The following TNIK variants were observed in gnomAD, a reference collection of about 807,000 sequenced individuals.
TNIK encodes the protein TRAF2 and NCK interacting kinase.
A neutral mutation model predicts 191.3 loss-of-function variants in TNIK; 49 were observed. That is an observed-to-expected ratio of 0.26 (90% CI 0.20 to 0.32). The LOEUF is 0.32. TNIK is among the 10% of genes least tolerant of loss of function. The pLI, the probability that TNIK is intolerant of heterozygous loss-of-function variation, is 1.00. For synonymous variants in TNIK, 594 were observed against 600.9 expected (o/e 0.99, Z 0.17); for missense variants, 1,155 against 1,702.3 (o/e 0.68, Z 5.66).
chr3:171,410,767 A>G (rs963937690), intron 1 of TNIK, among the ~76,000 whole-genome samples: 1 of 121,966 alleles, frequency 8.2e-6, no homozygotes, highest in East Asian at 2.2e-4. Context: ...CGACAGAGCA[A>G]GACTCCATCT....
intron 1 of TNIK, among the ~76,000 whole-genome samples, chr3:171,449,037 A>G (rs974679062): frequency 1.3e-5 from 2 of 152,066 alleles, no homozygotes; most frequent in African/African-American, 4.8e-5. Context: ...TTTGCTGAGA[A>G]TGATGGTTTC....
In TNIK at chr3:171,351,909, T is replaced by A. The variant is rs551384802; in HGVS notation, c.123+17711A>T. Among the ~76,000 whole-genome samples, 89 of 152,342 alleles carry A rather than the reference T, an allele frequency of 5.8e-4. 3 individuals carry two copies. Among genetic ancestry groups the A allele is most frequent in the Admixed American group, 5.7e-3 (87 of 15,294 alleles). ...TGGTGCATTTCAGGCACCCTGCCCA[T>A]CCTGAACCCTGGATTTATGCCAAGG... On this transcript the variant is annotated intron_variant, in intron 2 of 32. Coordinates refer to ENST00000436636, the MANE Select transcript of TNIK (RefSeq NM_015028.4).
At chr3:171,094,700 T>G (rs1328405793) in intron 22 of TNIK, among the ~76,000 whole-genome samples, 1 of 152,190 alleles carries the variant, frequency 6.6e-6, no homozygotes. Flanking sequence ...ACTCTGGCCT[T>G]GGTTGGTTCC....
At chr3:171,207,371 A>AT (rs1428685396) in intron 4 of TNIK, among the ~76,000 whole-genome samples, 1 of 151,176 alleles carries the variant, frequency 6.6e-6, no homozygotes, top group Non-Finnish European at 1.5e-5. Context: ...TTAAATTTTA[A>AT]TTTTTTTGGT....
intron 2 of TNIK, among the ~76,000 whole-genome samples, chr3:171,353,024 T>C (rs1577596776): frequency 6.6e-6 from 1 of 152,188 alleles, no homozygotes; most frequent in Non-Finnish European, 1.5e-5. Flanking sequence ...TTTCAACATA[T>C]TGGCAGAATT....
At chr3:171,193,041 T>C (rs530323234) in intron 5 of TNIK, among the ~76,000 whole-genome samples, 205 of 152,348 alleles carry the variant, frequency 1.3e-3, no homozygotes, top group African/African-American at 4.8e-3. Flanking sequence ...TTTCATGTTT[T>C]CTTATGGATA....
chr3:171,108,197 G>A (rs1485079022), intron 19 of TNIK, 35 bp from the exon 20 acceptor site: 13 of 1,483,862 alleles, frequency 8.8e-6, no homozygotes, highest in Non-Finnish European at 1.1e-5. Flanking sequence ...AGAAAGAGAT[G>A]GCCATCAAAA....
At chr3:171,078,604 T>C (rs1720292382) in intron 28 of TNIK, among the ~76,000 whole-genome samples, 1 of 152,182 alleles carries the variant, frequency 6.6e-6, no homozygotes, top group Admixed American at 6.5e-5. Flanking sequence ...CTCCTTATTA[T>C]CCCTGTTTCT....
chr3:171,086,721 T>A (rs902707409), intron 24 of TNIK, among the ~76,000 whole-genome samples: 3 of 152,236 alleles, frequency 2.0e-5, no homozygotes, highest in Non-Finnish European at 4.4e-5. Flanking sequence ...CTACACACTG[T>A]GAACTCATCC....
In TNIK at chr3:171,325,080, A is replaced by G. The variant is rs1357968226; in HGVS notation, c.123+44540T>C. 2.0e-5 allele frequency among the ~76,000 whole-genome samples: 3 copies of G among 152,074 alleles called. No homozygotes were observed. In the East Asian group the frequency reaches 5.8e-4, roughly 29 times the overall value. On this transcript the variant is annotated intron_variant, in intron 2 of 32. Coordinates refer to ENST00000436636, the MANE Select transcript of TNIK (RefSeq NM_015028.4). ...GGCGCCACTGCACTTCAGCCTGGGC[A>G]ACAGAGCCAGACTGTCTCAAAATAA... is the stretch of plus-strand genomic sequence containing the variant.
chr3:171,316,195 A>G (rs1026187719), intron 2 of TNIK, among the ~76,000 whole-genome samples: 7 of 152,088 alleles, frequency 4.6e-5, no homozygotes, highest in Non-Finnish European at 1.0e-4. Flanking sequence ...TCTGCTTCCC[A>G]TTACATTCCC....
At chr3:171,148,724 T>C (rs1731987094) in intron 12 of TNIK, among the ~76,000 whole-genome samples, 1 of 152,228 alleles carries the variant, frequency 6.6e-6, no homozygotes, top group Non-Finnish European at 1.5e-5. Context: ...GAAAACATTA[T>C]TAATGTCTTC....
At chr3:171,217,883 A>G (rs935054951) in intron 3 of TNIK, among the ~76,000 whole-genome samples, 1 of 152,082 alleles carries the variant, frequency 6.6e-6, no homozygotes, top group African/African-American at 2.4e-5. Flanking sequence ...GGATAGAAAC[A>G]TTTTCCTGGC....
At chr3:171,319,540 T>C (rs1358932293) in intron 2 of TNIK, among the ~76,000 whole-genome samples, 1 of 152,100 alleles carries the variant, frequency 6.6e-6, no homozygotes, top group Non-Finnish European at 1.5e-5. Flanking sequence ...GAGCAACATA[T>C]TCATTGAGGT....
intron 6 of TNIK, among the ~76,000 whole-genome samples, chr3:171,190,216 G>A (rs1353414114): frequency 6.6e-6 from 1 of 152,136 alleles, no homozygotes; most frequent in Non-Finnish European, 1.5e-5. Flanking sequence ...TGCACCTAAA[G>A]TAGAATATTA....
At chr3:171,139,021 A>G (rs963079468) in intron 14 of TNIK, among the ~76,000 whole-genome samples, 6 of 152,194 alleles carry the variant, frequency 3.9e-5, no homozygotes, top group African/African-American at 1.4e-4. Context: ...TCCCATCGTA[A>G]GGGTAAAGCT....
intron 12 of TNIK, among the ~76,000 whole-genome samples, chr3:171,148,236 C>A (rs913623508): frequency 6.6e-6 from 1 of 152,224 alleles, no homozygotes; most frequent in Non-Finnish European, 1.5e-5. Context: ...CTGTCAAGCA[C>A]ATGTGTGCAA....
At chr3:171,412,139 AAG>A (rs1376343467) in intron 1 of TNIK, among the ~76,000 whole-genome samples, 1 of 152,152 alleles carries the variant, frequency 6.6e-6, no homozygotes, top group African/African-American at 2.4e-5. Flanking sequence ...TCTCTTGGAG[AAG>A]AGGCAGTTCG....
rs1718093457 is a variant in TNIK at position 171,063,880 on chromosome 3, G to C, written c.*1C>G. 6.2e-7 allele frequency: 1 copy of C among 1,613,438 alleles called. No individual in the cohort carries two copies. Among genetic ancestry groups the C allele is most frequent in the Non-Finnish European group, 8.5e-7 (1 of 1,179,614 alleles). Reference sequence around the variant, plus strand: ...GAAGATAAGTGCCAAGTGCTCTTCTGTTACCAGTTCATCATGGAATTTCTG... The same window carrying C: ...GAAGATAAGTGCCAAGTGCTCTTCTCTTACCAGTTCATCATGGAATTTCTG... On this transcript the variant is annotated 3_prime_UTR_variant, in exon 33 of 33. Coordinates refer to ENST00000436636, the MANE Select transcript of TNIK (RefSeq NM_015028.4).
Sources: gnomAD v4.1 joint callset for allele counts (sites outside exome capture counted in the v4.1 genomes callset) on GRCh38, gnomAD v4.1.1 for gene constraint, MANE v1.5 for transcripts, NCBI Gene and HGNC (gene_info 2026-07-23, HGNC 2026-07-21) for gene names.